Variants in GPC3 observed in about 807,000 individuals in gnomAD.
The protein encoded by GPC3 is glypican-3.
A neutral mutation model predicts 34.4 loss-of-function variants in GPC3; 3 were observed. The observed-to-expected ratio is 0.09, with a 90% CI of 0.04 to 0.23. The LOEUF (loss-of-function observed/expected upper bound fraction) is 0.23, where lower values mean the gene tolerates loss of function less well. Ranked by LOEUF, GPC3 falls within the 10% of genes least tolerant of loss-of-function variation. The pLI is 1.00. For missense variants in GPC3, 351 were observed against 445.6 expected (o/e 0.79, Z 1.91); for synonymous variants, 177 against 174.0 (o/e 1.02, Z -0.13).
intron 2 of GPC3, chrX:133,763,075 A>G: frequency 1.6e-6 from 1 of 644,656 alleles, no homozygotes; most frequent in Non-Finnish European, 2.6e-6. Flanking sequence ...TGCTGCTGCC[A>G]TGGGAGCCAC....
At position 133,692,422 on chromosome X, in the gene GPC3, G is replaced by A. The variant is rs2124430790; in HGVS notation, c.1239C>T (p.Ser413=). ...SALPGYICSH[S]PVAENDTLCW... ...AAAGGGTGTCGTTTTCCGCCACAGGGCTATGGCTGCAGATGTAGCCAGGCA... is the reference window on the plus strand; with the variant it reads ...AAAGGGTGTCGTTTTCCGCCACAGGACTATGGCTGCAGATGTAGCCAGGCA... The change falls in exon 5 of 8, where the codon AGC becomes AGT. Residue 413 remains serine (S), a synonymous_variant. Transcript: ENST00000370818. The A allele has an allele frequency of 8.3e-7, 1 of 1,205,865 alleles. No homozygotes were observed. Among genetic ancestry groups the A allele is most frequent in the Non-Finnish European group, 1.1e-6 (1 of 889,732 alleles).
chrX:133,668,994 T>A lies in GPC3; in HGVS notation c.1293-7144A>T, dbSNP rs935754159. Among the ~76,000 whole-genome samples, 33 of 112,084 alleles carry A rather than the reference T, an allele frequency of 2.9e-4. No individual in the cohort carries two copies. In the Admixed American group the frequency reaches 3.1e-3, roughly 11 times the overall value. ...GCTCCCAGCAGCATCGCCACAAAGC[T>A]CTCTTGGCCTACTCAGCAAGATTCT... On this transcript the variant is annotated intron_variant, in intron 5 of 7. Coordinates refer to ENST00000370818, the MANE Select transcript of GPC3 (RefSeq NM_004484.4).
intron 2 of GPC3, among the ~76,000 whole-genome samples, chrX:133,872,541 T>A (rs2124576681): frequency 9.0e-6 from 1 of 111,661 alleles, no homozygotes; most frequent in African/African-American, 3.3e-5. Context: ...CCCAACCATC[T>A]TTTTCTCACC....
chrX:133,920,403 G>C (rs954743418), intron 2 of GPC3, among the ~76,000 whole-genome samples: 1 of 110,999 alleles, frequency 9.0e-6, no homozygotes, highest in Admixed American at 9.6e-5. Context: ...TTTACTTTTA[G>C]GTCTTTACCC....
At chrX:133,588,665 T>C (rs1446448416) in intron 7 of GPC3, among the ~76,000 whole-genome samples, 1 of 110,849 alleles carries the variant, frequency 9.0e-6, no homozygotes, top group Non-Finnish European at 1.9e-5. Context: ...ACCTTTCCTA[T>C]GTGTGCAGGC....
At position 133,841,349 on chromosome X, in the gene GPC3, C is replaced by T. The variant is rs1358753014; in HGVS notation, c.338-87173G>A. 2.9e-5 allele frequency among the ~76,000 whole-genome samples: 3 copies of T among 103,757 alleles called. 1 individual carries two copies. Among genetic ancestry groups the T allele is most frequent in the African/African-American group, 1.0e-4 (3 of 28,996 alleles). The allele number at this position is 103,757 out of a possible 115,157, so 90.1% of individuals were successfully genotyped here. ...TGCTAGGATTACAGGTGTGAGCCACCGTGCCCAGCCCTAAAGTTGTCTAAT... is the reference window on the plus strand; with the variant it reads ...TGCTAGGATTACAGGTGTGAGCCACTGTGCCCAGCCCTAAAGTTGTCTAAT... On this transcript the variant is annotated intron_variant, in intron 2 of 7. Coordinates refer to ENST00000370818, the MANE Select transcript of GPC3 (RefSeq NM_004484.4).
At chrX:133,905,015 C>T (rs968505432) in intron 2 of GPC3, among the ~76,000 whole-genome samples, 1 of 112,036 alleles carries the variant, frequency 8.9e-6, no homozygotes, top group African/African-American at 3.2e-5. Flanking sequence ...TCGTCTCCAC[C>T]CCACGGGGTA....
intron 2 of GPC3, among the ~76,000 whole-genome samples, chrX:133,935,650 G>A (rs1362447553): frequency 9.0e-6 from 1 of 111,250 alleles, no homozygotes; most frequent in East Asian, 2.8e-4. Context: ...TCGTTTTTCA[G>A]TTGAATATGA....
In GPC3 at chrX:133,846,669, T is replaced by TA. The variant is rs904411066; in HGVS notation, c.338-92494dup. Among the ~76,000 whole-genome samples, 4 of 111,475 alleles carry TA rather than the reference T, an allele frequency of 3.6e-5. No homozygotes were observed. In the South Asian group the frequency reaches 1.5e-3, roughly 42 times the overall value. ...TAAAACTGCCTTCCTTCTGAAATCC[T>TA]AAAAAAAAGTAGTTCCTTTTATTTT... On this transcript the variant is annotated intron_variant, in intron 2 of 7. Transcript: ENST00000370818.
At chrX:133,980,826 A>T (rs2076534764) in intron 1 of GPC3, among the ~76,000 whole-genome samples, 1 of 112,330 alleles carries the variant, frequency 8.9e-6, no homozygotes. Context: ...ATACCAGACA[A>T]ATCCAGGACT....
At chrX:133,916,121 G>A (rs1017034223) in intron 2 of GPC3, among the ~76,000 whole-genome samples, 1 of 104,801 alleles carries the variant, frequency 9.5e-6, no homozygotes, top group Non-Finnish European at 2.0e-5. Flanking sequence ...CCCCAGCCTG[G>A]GTGGCAAAGT....
intron 1 of GPC3, among the ~76,000 whole-genome samples, chrX:133,965,294 C>T (rs1393793142): frequency 9.0e-6 from 1 of 110,613 alleles, no homozygotes; most frequent in Non-Finnish European, 1.9e-5. Context: ...TCCTCCAGCA[C>T]AGGACAGAAG....
At chrX:133,556,091 G>C (rs148106098) in intron 7 of GPC3, among the ~76,000 whole-genome samples, 1 of 111,459 alleles carries the variant, frequency 9.0e-6, no homozygotes, top group African/African-American at 3.3e-5. Flanking sequence ...TGTTTGCTAC[G>C]GCTTAGATTA....
chrX:133,816,262 C>A (rs1356887746), intron 2 of GPC3, among the ~76,000 whole-genome samples: 2 of 111,254 alleles, frequency 1.8e-5, no homozygotes, highest in African/African-American at 6.5e-5. Flanking sequence ...ACTTTGTCAC[C>A]CAGGCTGGTC....
At chrX:133,814,028 G>A (rs993223169) in intron 2 of GPC3, among the ~76,000 whole-genome samples, 3 of 111,906 alleles carry the variant, frequency 2.7e-5, no homozygotes, top group Admixed American at 9.5e-5. Flanking sequence ...AAGAAATGTC[G>A]AAGAAACATC....
At chrX:133,859,012 C>T (rs377643609) in intron 2 of GPC3, among the ~76,000 whole-genome samples, 1 of 104,631 alleles carries the variant, frequency 9.6e-6, no homozygotes, top group East Asian at 3.0e-4. Context: ...ACCCGGGAAG[C>T]GGAGCTTGCA....
chrX:133,737,337 C>T (rs899577249), intron 3 of GPC3, among the ~76,000 whole-genome samples: 9 of 111,764 alleles, frequency 8.1e-5, no homozygotes, highest in Admixed American at 4.7e-4. Flanking sequence ...AGAGTGAAAC[C>T]TAATGTAAAT....
At chrX:133,603,655 A>G (rs1485699730) in intron 6 of GPC3, among the ~76,000 whole-genome samples, 1 of 112,032 alleles carries the variant, frequency 8.9e-6, no homozygotes. Flanking sequence ...TTAGACAGGG[A>G]AACATTTAAA....
At chrX:133,843,382 T>G (rs892471631) in intron 2 of GPC3, among the ~76,000 whole-genome samples, 2 of 111,375 alleles carry the variant, frequency 1.8e-5, no homozygotes, top group African/African-American at 6.5e-5. Flanking sequence ...CTGACACCTC[T>G]ACCTCTCTTT....
Sources: allele counts gnomAD v4.1 joint callset (sites outside exome capture counted in the v4.1 genomes callset), GRCh38; gene constraint gnomAD v4.1.1; transcripts MANE v1.5; gene names NCBI Gene and HGNC (gene_info 2026-07-23, HGNC 2026-07-21).